The following SLC9D1 variants were observed in gnomAD, a reference collection of about 807,000 sequenced individuals.
SLC9D1 encodes the protein solute carrier family 9 member D1.
the SLC9D1 span, chr13:113,546,024 G>T: frequency 1.3e-5 from 2 of 152,394 alleles, no homozygotes; most frequent in Admixed American, 1.3e-4. The surrounding 1 kb of genome is among the most constrained non-coding windows in gnomAD (Gnocchi z 7.1). Flanking sequence ...ACGCAGCCCG[G>T]AACGCCCAAG....
the SLC9D1 span, chr13:113,548,573 A>AG: frequency 3.6e-6 from 4 of 1,104,980 alleles, no homozygotes; most frequent in Non-Finnish European, 5.1e-6. Context: ...GTCCTCCTCC[A>AG]GGGGGGCACG....
chr13:113,513,514 G>A, the SLC9D1 span, among the ~76,000 whole-genome samples: 2 of 152,178 alleles, frequency 1.3e-5, no homozygotes, highest in Non-Finnish European at 2.9e-5. Flanking sequence ...AGGGTTGCAT[G>A]TTTGGGAGGT....
At chr13:113,498,210 C>A in the SLC9D1 span, 1 of 652,902 alleles carries the variant, frequency 1.5e-6, no homozygotes. Flanking sequence ...CACGTGACTT[C>A]CCTAGCTGAC....
the SLC9D1 span, chr13:113,547,443 C>A: frequency 7.3e-7 from 1 of 1,364,598 alleles, no homozygotes; most frequent in Non-Finnish European, 1.0e-6. Flanking sequence ...TCCCTGTGGC[C>A]CTGGTTTCCA....
the SLC9D1 span, among the ~76,000 whole-genome samples, chr13:113,531,712 C>A: frequency 6.6e-6 from 1 of 152,118 alleles, no homozygotes; most frequent in Non-Finnish European, 1.5e-5. Flanking sequence ...AAGAGCAGCA[C>A]GCACGTGGAC....
the SLC9D1 span, among the ~76,000 whole-genome samples, chr13:113,515,064 T>C: frequency 6.6e-6 from 1 of 152,054 alleles, no homozygotes; most frequent in Non-Finnish European, 1.5e-5. Flanking sequence ...GAATGTGGAG[T>C]TGCAAGATCT....
the SLC9D1 span, among the ~76,000 whole-genome samples, chr13:113,506,280 T>A: frequency 2.5e-5 from 1 of 40,212 alleles, no homozygotes; most frequent in East Asian, 6.9e-4. Context: ...TAAGGGGGAG[T>A]GGGCCGCGTG....
chr13:113,505,542 G>A, the SLC9D1 span: 1 of 152,168 alleles, frequency 6.6e-6, no homozygotes, highest in Non-Finnish European at 1.5e-5. Context: ...GCAAAATATC[G>A]GTTGGAAAGC....
the SLC9D1 span, among the ~76,000 whole-genome samples, chr13:113,492,052 C>G: frequency 6.6e-6 from 1 of 152,180 alleles, no homozygotes; most frequent in Non-Finnish European, 1.5e-5. Context: ...GTCGCCCAGG[C>G]TGGAGTGCAG....
the SLC9D1 span, among the ~76,000 whole-genome samples, chr13:113,538,240 G>GTATA: frequency 4.0e-5 from 6 of 151,822 alleles, no homozygotes; most frequent in African/African-American, 1.2e-4. Context: ...TTTGTGTGGT[G>GTATA]TGTGTGTGGT....
chr13:113,538,708 ATGC>A, the SLC9D1 span, among the ~76,000 whole-genome samples: 29,390 of 152,184 alleles, frequency 0.19, 3,619 homozygotes, highest in African/African-American at 0.35. Context: ...TTTTCGTCTG[ATGC>A]TGCTATCGTC....
chr13:113,511,422 G>A, the SLC9D1 span, among the ~76,000 whole-genome samples: 1 of 152,358 alleles, frequency 6.6e-6, no homozygotes, highest in East Asian at 1.9e-4. Flanking sequence ...CCGCCAAGCA[G>A]GGTGCTGGAG....
At chr13:113,507,749 A>G in the SLC9D1 span, among the ~76,000 whole-genome samples, 1 of 152,186 alleles carries the variant, frequency 6.6e-6, no homozygotes, top group African/African-American at 2.4e-5. Flanking sequence ...TCTGTCTTGT[A>G]TCTTCTCTGT....
the SLC9D1 span, among the ~76,000 whole-genome samples, chr13:113,515,520 G>A: frequency 6.6e-6 from 1 of 152,196 alleles, no homozygotes; most frequent in Non-Finnish European, 1.5e-5. Flanking sequence ...CAGAAGCTCA[G>A]TGATGGCTCT....
chr13:113,494,155 C>T, the SLC9D1 span, among the ~76,000 whole-genome samples: 2 of 152,136 alleles, frequency 1.3e-5, no homozygotes, highest in African/African-American at 4.8e-5. Flanking sequence ...GAGTAACAGT[C>T]CATTGGATGC....
At chr13:113,546,902 G>A in the SLC9D1 span, among the ~76,000 whole-genome samples, 1 of 152,200 alleles carries the variant, frequency 6.6e-6, no homozygotes, top group Non-Finnish European at 1.5e-5. The surrounding 1 kb of genome is among the most constrained non-coding windows in gnomAD (Gnocchi z 7.1). Flanking sequence ...TTGACCACAG[G>A]CGTCCTGTGA....
At chr13:113,494,122 G>T in the SLC9D1 span, among the ~76,000 whole-genome samples, 14 of 152,230 alleles carry the variant, frequency 9.2e-5, no homozygotes, top group Non-Finnish European at 1.8e-4. Context: ...TTTGTAATAT[G>T]TGATGGTTGA....
At chr13:113,535,480 C>T in the SLC9D1 span, among the ~76,000 whole-genome samples, 23 of 152,280 alleles carry the variant, frequency 1.5e-4, no homozygotes, top group African/African-American at 4.1e-4. This position sits in a 1 kb window ranked among gnomAD's most constrained non-coding sequence, Gnocchi z 4.1. Flanking sequence ...GAAATGAAGC[C>T]GTGTTCACAC....
the SLC9D1 span, among the ~76,000 whole-genome samples, chr13:113,525,875 G>A: frequency 4.0e-5 from 6 of 151,506 alleles, no homozygotes; most frequent in East Asian, 1.2e-3. Context: ...CGTAGGAGAC[G>A]ACAGCTCTGT....
Sources: allele counts gnomAD v4.1 joint callset (sites outside exome capture counted in the v4.1 genomes callset), GRCh38; gene constraint gnomAD v4.1.1; non-coding constraint Gnocchi (gnomAD v3.1); transcripts MANE v1.5; gene names NCBI Gene and HGNC (gene_info 2026-07-23, HGNC 2026-07-21).